STK39: variants seen among roughly 807,000 people sequenced by gnomAD.
The protein encoded by STK39 is serine/threonine kinase 39, also known as STE20/SPS1-related proline-alanine-rich protein kinase.
Under a neutral mutation model 77.8 loss-of-function variants are expected in STK39, and 20 were observed. The observed-to-expected ratio is 0.26, with a 90% CI of 0.18 to 0.37. STK39 has a LOEUF of 0.37. Among genes scored for constraint, STK39 ranks in the 10% least tolerant of loss-of-function variants. STK39 has a pLI of 1.00. For missense variants in STK39, 479 were observed against 656.5 expected, an observed-to-expected ratio of 0.73 and a Z score of 2.95; for synonymous variants, 246 against 234.1, an observed-to-expected ratio of 1.05 and a Z score of -0.47.
At chr2:168,209,404 C>T (rs181469846) in intron 1 of STK39, among the ~76,000 whole-genome samples, 132 of 152,208 alleles carry the variant, frequency 8.7e-4, no homozygotes, top group East Asian at 1.4e-3. Context: ...AGGCCTGGCG[C>T]GGTGGCTCAC....
rs944821838 is a variant in STK39, at chr2:168,236,915, T to C, written c.208+10313A>G. Reference sequence around the variant, plus strand: ...CCAGCTTTGTTCTTTTGTCTTAGGATTGACTTGGCAATGCGGGCTTTTTGG... The same window carrying C: ...CCAGCTTTGTTCTTTTGTCTTAGGACTGACTTGGCAATGCGGGCTTTTTGG... On this transcript the variant is annotated intron_variant, in intron 1 of 17. Coordinates refer to ENST00000355999, the MANE Select transcript of STK39 (RefSeq NM_013233.3). Among the ~76,000 whole-genome samples the C allele has an allele frequency of 8.9e-4, 136 of 152,300 alleles. 1 individual carries two copies. The highest frequency in any genetic ancestry group is 4.3e-4 in the Non-Finnish European group (29 of 68,032).
At chr2:168,100,928 T>C (rs1207109505) in intron 10 of STK39, among the ~76,000 whole-genome samples, 2 of 149,870 alleles carry the variant, frequency 1.3e-5, no homozygotes, top group African/African-American at 2.5e-5. Flanking sequence ...TGTGGCACTA[T>C]TCACAATAGC....
chr2:167,981,258 C>A (rs4578820), intron 16 of STK39, among the ~76,000 whole-genome samples: 89,842 of 151,948 alleles, frequency 0.59, 27,142 homozygotes, highest in African/African-American at 0.68. Context: ...TCTTGCTACC[C>A]AGAAAAAAAG....
At chr2:168,239,632 AT>A (rs1312240567) in intron 1 of STK39, among the ~76,000 whole-genome samples, 1 of 152,256 alleles carries the variant, frequency 6.6e-6, no homozygotes, top group Non-Finnish European at 1.5e-5. Context: ...ACGTCAGGCA[AT>A]GTTCCTCCTC....
At chr2:168,038,014 T>C (rs1685002683) in intron 14 of STK39, among the ~76,000 whole-genome samples, 1 of 152,190 alleles carries the variant, frequency 6.6e-6, no homozygotes, top group Non-Finnish European at 1.5e-5. Flanking sequence ...TATGTAAATG[T>C]GTTTTGTCAG....
intron 16 of STK39, among the ~76,000 whole-genome samples, chr2:167,988,854 G>A (rs1396621357): frequency 6.6e-6 from 1 of 152,152 alleles, no homozygotes; most frequent in Non-Finnish European, 1.5e-5. Flanking sequence ...TGAGAAGACT[G>A]GCAGCTTACC....
intron 10 of STK39, among the ~76,000 whole-genome samples, chr2:168,093,331 C>T (rs1296517016): frequency 1.3e-5 from 2 of 152,220 alleles, no homozygotes; most frequent in African/African-American, 2.4e-5. Context: ...CACAGTTTCA[C>T]ATGGCTAGGG....
chr2:168,070,436 G>A (rs1473586698), intron 12 of STK39, among the ~76,000 whole-genome samples: 2 of 150,966 alleles, frequency 1.3e-5, no homozygotes, highest in African/African-American at 4.9e-5. Context: ...CTAATACTTC[G>A]ATATTTCTTT....
intron 1 of STK39, among the ~76,000 whole-genome samples, chr2:168,193,986 A>C (rs1157326009): frequency 6.6e-6 from 1 of 152,218 alleles, no homozygotes; most frequent in Non-Finnish European, 1.5e-5. Context: ...GAAGCATGGA[A>C]AAGCAGATGC....
At position 168,181,968 on chromosome 2, in the gene STK39, T is replaced by C; in HGVS notation, c.321+10A>G. The C allele has an allele frequency of 6.2e-7, 1 of 1,610,164 alleles. No individual in the cohort carries two copies. The highest frequency in any genetic ancestry group is 8.5e-7 in the Non-Finnish European group (1 of 1,176,518). ...AGCAACCAGCAGGTATTCCCTGCACTGTTACTTACTAATAGTTCATCCATA... is the reference window on the plus strand; with the variant it reads ...AGCAACCAGCAGGTATTCCCTGCACCGTTACTTACTAATAGTTCATCCATA... On this transcript the variant is annotated intron_variant, in intron 2 of 17. Transcript: ENST00000355999.
intron 1 of STK39, among the ~76,000 whole-genome samples, chr2:168,184,819 C>A (rs929029002): frequency 6.6e-6 from 1 of 152,102 alleles, no homozygotes; most frequent in African/African-American, 2.4e-5. Context: ...TTTAGTATGA[C>A]ATGTTTTACT....
At chr2:168,066,341 T>C (rs1223160160) in intron 12 of STK39, among the ~76,000 whole-genome samples, 2 of 152,244 alleles carry the variant, frequency 1.3e-5, no homozygotes, top group South Asian at 2.1e-4. Context: ...GTAATGATGA[T>C]ACCTAGATTA....
At chr2:168,020,209 TATTA>T (rs962033148) in intron 14 of STK39, among the ~76,000 whole-genome samples, 1 of 152,206 alleles carries the variant, frequency 6.6e-6, no homozygotes, top group Non-Finnish European at 1.5e-5. Flanking sequence ...TAAAAAAATT[TATTA>T]ATTTGAAAAT....
At chr2:167,996,236 T>C (rs1302806613) in intron 16 of STK39, among the ~76,000 whole-genome samples, 2 of 152,234 alleles carry the variant, frequency 1.3e-5, no homozygotes, top group Admixed American at 1.3e-4. Flanking sequence ...TAAAAAATCC[T>C]AGATTTAAAA....
At chr2:168,184,560 A>G (rs1040346424) in intron 1 of STK39, among the ~76,000 whole-genome samples, 1 of 152,188 alleles carries the variant, frequency 6.6e-6, no homozygotes, top group Non-Finnish European at 1.5e-5. Context: ...ATGAGAAAAC[A>G]GGGTCCTGTG....
At chr2:168,224,621 CT>C (rs2105248092) in intron 1 of STK39, among the ~76,000 whole-genome samples, 1 of 152,244 alleles carries the variant, frequency 6.6e-6, no homozygotes, top group Non-Finnish European at 1.5e-5. Flanking sequence ...TACACATGTC[CT>C]TAACAAAAAG....
chr2:168,038,470 G>A (rs1685015518), intron 14 of STK39, among the ~76,000 whole-genome samples: 1 of 146,494 alleles, frequency 6.8e-6, no homozygotes, highest in Non-Finnish European at 1.5e-5. Flanking sequence ...ACCCTCAGAA[G>A]AAAACATAGG....
chr2:168,012,579 A>G (rs1408758941), intron 16 of STK39, 55 bp downstream of exon 16: 1 of 1,464,120 alleles, frequency 6.8e-7, no homozygotes, highest in Non-Finnish European at 9.5e-7. Flanking sequence ...GCTTCCAAAC[A>G]CATTTCCATT....
rs533183649 is a variant in STK39 at position 168,244,576 on chromosome 2, C to T, written c.208+2652G>A. Among the ~76,000 whole-genome samples the T allele has an allele frequency of 4.6e-5, 7 of 152,308 alleles. 1 individual carries two copies. Among genetic ancestry groups the T allele is most frequent in the African/African-American group, 1.7e-4 (7 of 41,560 alleles). On this transcript the variant is annotated intron_variant, in intron 1 of 17. Coordinates refer to ENST00000355999, the MANE Select transcript of STK39 (RefSeq NM_013233.3). ...TCAGTGTTTGAACTGCTAACTTCTG[C>T]GTGTAATGTTTAAGCAAAAGTGCTT...
Sources: allele counts gnomAD v4.1 joint callset (sites outside exome capture counted in the v4.1 genomes callset), GRCh38; gene constraint gnomAD v4.1.1; transcripts MANE v1.5; gene names NCBI Gene and HGNC (gene_info 2026-07-23, HGNC 2026-07-21).